Variants in C1QTNF12 observed in about 807,000 individuals in gnomAD.
C1QTNF12 encodes C1q and TNF related 12.
In C1QTNF12, 39 loss-of-function variants were observed where a neutral mutation model predicts 34.3. The observed-to-expected ratio is 1.14, with a 90% CI of 0.88 to 1.49. C1QTNF12 has a LOEUF of 1.49. Among genes scored for constraint, C1QTNF12 ranks in the 40% most tolerant of loss-of-function variants. C1QTNF12 has a pLI of 0.00. For synonymous variants in C1QTNF12, 220 were observed against 196.9 expected, an observed-to-expected ratio of 1.12 and a Z score of -0.98; for missense variants, 497 against 424.7, an observed-to-expected ratio of 1.17 and a Z score of -1.50.
chr1:1,246,869 G>A (rs1638907196), upstream of C1QTNF12: 3 of 346,156 alleles, frequency 8.7e-6, no homozygotes, highest in South Asian at 4.2e-4. This position sits in a 1 kb window ranked among gnomAD's most constrained non-coding sequence, Gnocchi z 4.5. Context: ...AGGTCCCCCC[G>A]GGGTCCCGCT....
intron 4 of C1QTNF12, 111 bp from the exon 5 acceptor site, chr1:1,243,663 C>A: frequency 2.1e-6 from 2 of 952,670 alleles, no homozygotes; most frequent in Non-Finnish European, 3.2e-6. Flanking sequence ...GCAGCTCTCC[C>A]GGGACCCTCA....
rs1638816192 is a variant in C1QTNF12, at chr1:1,244,125, G to A, written c.380-20C>T. On this transcript the variant is annotated intron_variant, in intron 3 of 7. Transcript: ENST00000330388. ...TGGCCTCTGTGGGGAGGAGGGCACA[G>A]GCGGCCAGCAGGGTCAGCACAGGGC... The A allele has an allele frequency of 6.4e-7, 1 of 1,565,770 alleles. No homozygotes were observed. Among genetic ancestry groups the A allele is most frequent in the East Asian group, 2.3e-5 (1 of 44,408 alleles).
At chr1:1,245,860 T>TCCCCTCCCAGTCCTGGGGCCCA (rs1638880274) in intron 1 of C1QTNF12, among the ~76,000 whole-genome samples, 2 of 152,036 alleles carry the variant, frequency 1.3e-5, no homozygotes, top group Non-Finnish European at 2.9e-5. Flanking sequence ...CAACTGCGGC[T>TCCCCTCCCAGTCCTGGGGCCCA]CCCCTCCCAG....
chr1:1,243,916 C>A, intron 4 of C1QTNF12, 38 bp downstream of exon 4: 1 of 1,583,980 alleles, frequency 6.3e-7, no homozygotes, highest in Admixed American at 1.8e-5. Flanking sequence ...TGTGGGGCCC[C>A]ACCCAACACC....
chr1:1,244,311 G>A (rs370781398), intron 2 of C1QTNF12, 36 bp from the exon 3 acceptor site: 1 of 1,591,218 alleles, frequency 6.3e-7, no homozygotes, highest in African/African-American at 1.3e-5. Context: ...GGGCCCAGTG[G>A]GACCCGGTGG....
intron 5 of C1QTNF12, 119 bp from the exon 6 acceptor site, chr1:1,243,271 G>A: frequency 9.9e-7 from 1 of 1,011,736 alleles, no homozygotes; most frequent in Non-Finnish European, 1.4e-6. Context: ...GCTGGGGAGG[G>A]GGCGCCTGAG....
upstream of C1QTNF12, chr1:1,246,801 G>C (rs1240485808): frequency 2.6e-6 from 2 of 777,608 alleles, no homozygotes; most frequent in Non-Finnish European, 3.4e-6. This position sits in a 1 kb window ranked among gnomAD's most constrained non-coding sequence, Gnocchi z 4.5. Flanking sequence ...GGGCGCGCCC[G>C]GCCTCCGCCG....
At position 1,246,617 on chromosome 1, in the gene C1QTNF12, G is replaced by T. The variant is rs951057868; in HGVS notation, c.74C>A (p.Ala25Asp). ...PQLVLLGGVGARREAQRTQQP... is the reference protein window; with the variant it reads ...PQLVLLGGVGDRREAQRTQQP... ...CTGCGTCCTCTGTGCCTCCCGCCGGGCCCCGACGCCCCCGAGGAGCACGAG... is the reference window on the plus strand; with the variant it reads ...CTGCGTCCTCTGTGCCTCCCGCCGGTCCCCGACGCCCCCGAGGAGCACGAG... The change falls in exon 1 of 8, where the codon GCC becomes GAC. Residue 25 changes from alanine to aspartate, a missense_variant. Transcript: ENST00000330388. The surrounding 1 kb of genome is among the most constrained non-coding windows in gnomAD (Gnocchi z 4.5). The T allele has an allele frequency of 2.4e-6, 3 of 1,244,426 alleles. No individual in the cohort carries two copies. In the African/African-American group the frequency reaches 4.7e-5, roughly 19 times the overall value. The allele number at this position is 1,244,426 out of a possible 1,614,324, so 77.1% of individuals were successfully genotyped here.
At chr1:1,246,000 G>C (rs1638882898) in intron 1 of C1QTNF12, among the ~76,000 whole-genome samples, 1 of 152,088 alleles carries the variant, frequency 6.6e-6, no homozygotes, top group Admixed American at 6.5e-5. Flanking sequence ...CGCCCGGCCT[G>C]ACTGGGGCCC....
At chr1:1,242,970 C>T in intron 6 of C1QTNF12, 57 bp from the exon 7 acceptor site, 2 of 1,582,110 alleles carry the variant, frequency 1.3e-6, no homozygotes, top group South Asian at 1.1e-5. Flanking sequence ...GGGCCAAGAC[C>T]TGCTCCAGTG....
Position 1,246,532 on chromosome 1 carries a change from C to G in C1QTNF12, c.159G>C (p.Gly53=), listed in dbSNP as rs1475222253. 8.1e-7 allele frequency: 1 copy of G among 1,235,090 alleles called. No homozygotes were observed. The highest frequency in any genetic ancestry group is 1.6e-5 in the African/African-American group (1 of 64,376). 76.5% of individuals were successfully genotyped at this position (1,235,090 alleles called of 1,614,324 possible). The part of the protein sequence containing the change: ...NATASASSRE[G]LPEAPKPSQA... Reference sequence around the variant, plus strand: ...CGCGTACCTTGGGGGCCTCGGGCAGCCCCTCGCGGGAGGACGCGCTGGCGG... The same window carrying G: ...CGCGTACCTTGGGGGCCTCGGGCAGGCCCTCGCGGGAGGACGCGCTGGCGG... The change falls in exon 1 of 8, where the codon GGG becomes GGC. Residue 53 remains glycine, a synonymous_variant. Coordinates refer to ENST00000330388, the MANE Select transcript of C1QTNF12 (RefSeq NM_001014980.3). The surrounding 1 kb of genome is among the most constrained non-coding windows in gnomAD (Gnocchi z 4.5).
At chr1:1,244,543 GA>G (rs753541044) in intron 1 of C1QTNF12, 46 bp from the exon 2 acceptor site, 3 of 1,422,446 alleles carry the variant, frequency 2.1e-6, no homozygotes, top group South Asian at 2.3e-5. Context: ...GCACCCTGCA[GA>G]GAGCTGGGAC....
rs1206144333 is a variant in C1QTNF12 at position 1,244,409 on chromosome 1, T to C, written c.266A>G (p.Lys89Arg). ...VRRPDDGALR[K>R]RCGSRDKKPR... ...CTTCTTGTCCCTGCTTCCGCACCGC[T>C]TCCTTAAGGCGCCGTCGTCCGGCCG... The change falls in exon 2 of 8, where the codon AAG (lysine) becomes AGG (arginine). Residue 89 changes from lysine (K) to arginine (R), a missense_variant. Lys to Arg is a conservative substitution (Grantham distance 26, BLOSUM62 2). Coordinates refer to ENST00000330388, the MANE Select transcript of C1QTNF12 (RefSeq NM_001014980.3). The C allele has an allele frequency of 1.2e-6, 2 of 1,611,686 alleles. No homozygotes were observed. Among genetic ancestry groups the C allele is most frequent in the South Asian group, 2.2e-5 (2 of 91,080 alleles).
chr1:1,243,810 C>T (rs1200310564), intron 4 of C1QTNF12, 144 bp downstream of exon 4: 1 of 1,202,258 alleles, frequency 8.3e-7, no homozygotes. Flanking sequence ...CCAACCCTGA[C>T]CCGAGGCAGC....
In C1QTNF12 at chr1:1,242,477, G is replaced by T; in HGVS notation, c.*71C>A. The stretch of plus-strand genomic sequence containing the variant: ...GGAGGGTGGAGGGCTCTTTATTGTG[G>T]TGACCACGGGCATCAGTAGGAGGGT... On this transcript the variant is annotated 3_prime_UTR_variant, in exon 8 of 8. Coordinates refer to ENST00000330388, the MANE Select transcript of C1QTNF12 (RefSeq NM_001014980.3). 8.4e-7 allele frequency: 1 copy of T among 1,193,484 alleles called. No individual in the cohort carries two copies. 73.9% of individuals were successfully genotyped at this position (1,193,484 alleles called of 1,614,324 possible).
At chr1:1,245,515 G>A (rs1460955254) in intron 1 of C1QTNF12, among the ~76,000 whole-genome samples, 2 of 151,394 alleles carry the variant, frequency 1.3e-5, no homozygotes, top group Non-Finnish European at 2.9e-5. Flanking sequence ...AGGGAGGCCC[G>A]CCACCCTGCA....
chr1:1,242,473 T>C lies in C1QTNF12; in HGVS notation c.*75A>G. On this transcript the variant is annotated 3_prime_UTR_variant, in exon 8 of 8. Coordinates refer to ENST00000330388, the MANE Select transcript of C1QTNF12 (RefSeq NM_001014980.3). ...GTGGGGAGGGTGGAGGGCTCTTTAT[T>C]GTGGTGACCACGGGCATCAGTAGGA... 8.7e-7 allele frequency: 1 copy of C among 1,148,420 alleles called. No individual in the cohort carries two copies. The highest frequency in any genetic ancestry group is 1.5e-5 in the South Asian group (1 of 68,010). The allele number at this position is 1,148,420 out of a possible 1,614,324, so 71.1% of individuals were successfully genotyped here. A position where few individuals can be genotyped will look rare whatever the true frequency, so the allele number is the denominator to read the frequency against.
rs201644366 is a variant in C1QTNF12 at position 1,242,900 on chromosome 1, C to T, written c.745G>A (p.Val249Ile). The change falls in exon 7 of 8, where the codon GTC (valine) becomes ATC (isoleucine). Residue 249 changes from valine to isoleucine, a missense_variant. Physicochemically the swap from Val to Ile is conservative, Grantham distance 29 (BLOSUM62 3). Coordinates refer to ENST00000330388, the MANE Select transcript of C1QTNF12 (RefSeq NM_001014980.3). ...LCQRHTCLEA[V>I]SGLESNSRVF... is the part of the protein sequence containing the mutation. Reference sequence around the variant, plus strand: ...CTGCTGTTGCTCTCCAGGCCTGAGACGGCCTCCAGGCACCTGAACACAGCC... The same window carrying T: ...CTGCTGTTGCTCTCCAGGCCTGAGATGGCCTCCAGGCACCTGAACACAGCC... 1.9e-4 allele frequency: 310 copies of T among 1,612,312 alleles called. 6 individuals carry two copies. In the East Asian group the frequency reaches 6.1e-3, roughly 32 times the overall value.
rs1331971480 is a variant in C1QTNF12, at chr1:1,244,498, C to G, written c.178-1G>C. On this transcript the variant is annotated splice_acceptor_variant, in intron 1 of 7. Transcript: ENST00000330388. LOFTEE classifies it high-confidence loss of function. Reference sequence around the variant, plus strand: ...ACTCAGGTCCTGAGGCCTGGGATGGCTGAAGGGACGGGACGGGGCTAGCGC... The same window carrying G: ...ACTCAGGTCCTGAGGCCTGGGATGGGTGAAGGGACGGGACGGGGCTAGCGC... 6.2e-7 allele frequency: 1 copy of G among 1,607,648 alleles called. No individual in the cohort carries two copies. The highest frequency in any genetic ancestry group is 8.5e-7 in the Non-Finnish European group (1 of 1,175,756).
Sources: allele counts gnomAD v4.1 joint callset (sites outside exome capture counted in the v4.1 genomes callset), GRCh38; gene constraint gnomAD v4.1.1; non-coding constraint Gnocchi (gnomAD v3.1); transcripts MANE v1.5; gene names NCBI Gene and HGNC (gene_info 2026-07-23, HGNC 2026-07-21).